Variants in PHLDB2 observed in about 807,000 individuals in gnomAD.
PHLDB2 encodes the protein pleckstrin homology like domain family B member 2.
Under a neutral mutation model 123.6 loss-of-function variants are expected in PHLDB2, and 71 were observed. The observed-to-expected ratio is 0.57, with a 90% CI of 0.47 to 0.70. PHLDB2 has a LOEUF of 0.70. Among genes scored for constraint, PHLDB2 ranks in the 30% least tolerant of loss-of-function variants. The pLI is 0.00. For missense variants in PHLDB2, 1,446 were observed against 1,519.5 expected (o/e 0.95, Z 0.80); for synonymous variants, 547 against 541.6 (o/e 1.01, Z -0.14).
chr3:111,920,296 T>A lies in PHLDB2; in HGVS notation c.1878T>A (p.Cys626Ter). Residue 626 changes from cysteine (C) to a stop codon, truncating the protein, a stop_gained, in exon 5 of 18, where the codon TGT (cysteine) becomes TGA (stop). Coordinates refer to ENST00000431670, the MANE Select transcript of PHLDB2 (RefSeq NM_001134438.2). LOFTEE classifies it high-confidence loss of function. Reference protein sequence around the residue: ...DESFRELDMECALLDGEQKSE... With the variant: ...DESFRELDME ...TGTGTCCTTAGTTGGATATGGAATG[T>A]GCTCTTTTGGATGGAGAACAGAAAT... 2 of 1,613,786 alleles carry A rather than the reference T, an allele frequency of 1.2e-6. No individual in the cohort carries two copies. The highest frequency in any genetic ancestry group is 1.7e-6 in the Non-Finnish European group (2 of 1,179,884).
At chr3:111,898,178 GTGTT>G (rs767812420) in intron 2 of PHLDB2, among the ~76,000 whole-genome samples, 131 of 96,264 alleles carry the variant, frequency 1.4e-3, no homozygotes, top group African/African-American at 2.3e-3. Context: ...GTGTGTGTGT[GTGTT>G]TGTGTGTGTG....
At chr3:111,949,255 T>TA (rs1361471647) in intron 10 of PHLDB2, among the ~76,000 whole-genome samples, 180 bp downstream of exon 10, 1 of 152,154 alleles carries the variant, frequency 6.6e-6, no homozygotes, top group Non-Finnish European at 1.5e-5. Flanking sequence ...GCTCTGCCAA[T>TA]AAAAAATTCT....
chr3:111,827,205 A>C (rs970844411), intron 1 of PHLDB2, among the ~76,000 whole-genome samples: 5 of 152,216 alleles, frequency 3.3e-5, no homozygotes, highest in Non-Finnish European at 7.3e-5. Flanking sequence ...AAATGTGACC[A>C]CATCCTTCCT....
intron 2 of PHLDB2, among the ~76,000 whole-genome samples, chr3:111,849,397 C>G (rs2064152853): frequency 6.6e-6 from 1 of 152,124 alleles, no homozygotes. Context: ...TCTCAAACTC[C>G]TGGGCTCAAA....
chr3:111,817,359 G>T (rs1446447603), intron 1 of PHLDB2, among the ~76,000 whole-genome samples: 1 of 152,130 alleles, frequency 6.6e-6, no homozygotes, highest in Non-Finnish European at 1.5e-5. Flanking sequence ...CACAAGAAGA[G>T]AAGTTTATTT....
At chr3:111,869,358 T>TC (rs2065232569) in intron 1 of PHLDB2, among the ~76,000 whole-genome samples, 1 of 152,148 alleles carries the variant, frequency 6.6e-6, no homozygotes, top group Non-Finnish European at 1.5e-5. Context: ...GGGCCCCTTT[T>TC]CCCTCCTGTA....
chr3:111,828,214 G>C (rs2062759803), intron 1 of PHLDB2, among the ~76,000 whole-genome samples: 1 of 152,144 alleles, frequency 6.6e-6, no homozygotes, highest in South Asian at 2.1e-4. Flanking sequence ...GAACCAACTG[G>C]GAGAGAAAGG....
intron 12 of PHLDB2, among the ~76,000 whole-genome samples, chr3:111,956,631 C>G (rs1347927961): frequency 6.6e-6 from 1 of 152,084 alleles, no homozygotes; most frequent in Non-Finnish European, 1.5e-5. Flanking sequence ...AATAAAGAAC[C>G]ATTATATGCG....
intron 2 of PHLDB2, among the ~76,000 whole-genome samples, chr3:111,895,320 T>C (rs1001648890): frequency 6.6e-6 from 1 of 152,210 alleles, no homozygotes; most frequent in Admixed American, 6.5e-5. Flanking sequence ...GTTCTGACTC[T>C]TCACATGGTT....
chr3:111,840,705 T>C (rs1259631141), intron 1 of PHLDB2, among the ~76,000 whole-genome samples: 1 of 152,168 alleles, frequency 6.6e-6, no homozygotes, highest in Non-Finnish European at 1.5e-5. Flanking sequence ...AAGTTATTCC[T>C]CCTCTTCTGC....
In PHLDB2 at chr3:111,884,254, T is replaced by C; in HGVS notation, c.177T>C (p.Tyr59=). The C allele has an allele frequency of 8.7e-6, 14 of 1,614,178 alleles. No homozygotes were observed. Among genetic ancestry groups the C allele is most frequent in the Non-Finnish European group, 1.1e-5 (13 of 1,180,004 alleles). ...FKANGDYSGS[Y]LTLSQPVPAK... The stretch of plus-strand genomic sequence containing the variant: ...CCAATGGAGACTATTCTGGCTCCTA[T>C]TTAACCCTCTCACAACCTGTGCCTG... The change falls in exon 2 of 18, where the codon TAT becomes TAC. Residue 59 remains tyrosine (Y), a synonymous_variant. Coordinates refer to ENST00000431670, the MANE Select transcript of PHLDB2 (RefSeq NM_001134438.2).
intron 1 of PHLDB2, among the ~76,000 whole-genome samples, chr3:111,802,062 G>T (rs1435649173): frequency 6.6e-6 from 1 of 152,186 alleles, no homozygotes; most frequent in Non-Finnish European, 1.5e-5. Context: ...AATTAACCAG[G>T]ATAGAAAGAT....
intron 14 of PHLDB2, among the ~76,000 whole-genome samples, 155 bp from the exon 15 acceptor site, chr3:111,967,523 T>C (rs529460324): frequency 2.6e-4 from 39 of 152,346 alleles, no homozygotes; most frequent in African/African-American, 9.4e-4. Flanking sequence ...ATACCAGGCA[T>C]GGTTATGAGT....
At position 111,831,010 on chromosome 3, in the gene PHLDB2, AAAG is replaced by A. The variant is rs1460010551; in HGVS notation, c.-48-14808_-48-14806del. On this transcript the variant is annotated intron_variant, in intron 1 of 17. Transcript: ENST00000393923. ...GAAAGAAAGAAAGAAAGAAAGAAAG[AAAG>A]AAAGAAAGAAAGAAAGAAAGGAAGG... Among the ~76,000 whole-genome samples, 70 of 111,072 alleles carry A rather than the reference AAAG, an allele frequency of 6.3e-4. 6 individuals carry two copies. The highest frequency in any genetic ancestry group is 5.2e-4 in the Non-Finnish European group (30 of 57,958). The allele number at this position is 111,072 out of a possible 152,430, so 72.9% of individuals were successfully genotyped here.
In PHLDB2 at chr3:111,847,352, C is replaced by T. The variant is rs536936177; in HGVS notation, c.67+1417C>T. ...TGACAATGAACAAGATAGAAAGATC[C>T]CGGTCCTCATACAGCTTAGAATTGT... On this transcript the variant is annotated intron_variant, in intron 2 of 17. Transcript: ENST00000393923. Among the ~76,000 whole-genome samples the T allele has an allele frequency of 2.0e-5, 3 of 152,146 alleles. No homozygotes were observed. The South Asian group carries it at 6.2e-4, about 32-fold the overall frequency.
intron 6 of PHLDB2, among the ~76,000 whole-genome samples, chr3:111,938,635 C>T (rs2069655104): frequency 6.6e-6 from 1 of 152,022 alleles, no homozygotes; most frequent in Admixed American, 6.6e-5. Context: ...TTTTTCTGCA[C>T]AGTCCAGCAG....
intron 2 of PHLDB2, among the ~76,000 whole-genome samples, chr3:111,887,167 A>G (rs1356529815): frequency 6.6e-6 from 1 of 152,186 alleles, no homozygotes; most frequent in African/African-American, 2.4e-5. Flanking sequence ...CAGATTTTCC[A>G]AATCTGGTAT....
chr3:111,859,747 G>A (rs1415879274), intron 1 of PHLDB2, 171 bp downstream of exon 1: 3 of 985,376 alleles, frequency 3.0e-6, no homozygotes, highest in Non-Finnish European at 3.6e-6. Flanking sequence ...GAGGAGGGGC[G>A]CGCTGACTGC....
intron 1 of PHLDB2, among the ~76,000 whole-genome samples, chr3:111,734,884 T>G (rs535677062): frequency 2.0e-5 from 3 of 152,302 alleles, no homozygotes; most frequent in African/African-American, 7.2e-5. Flanking sequence ...GGCTCTTGGA[T>G]GTGCCATGCC....
Sources: gnomAD v4.1 joint callset for allele counts (sites outside exome capture counted in the v4.1 genomes callset) on GRCh38, gnomAD v4.1.1 for gene constraint, MANE v1.5 for transcripts, NCBI Gene and HGNC (gene_info 2026-07-23, HGNC 2026-07-21) for gene names.